The following N4BP2 variants were observed in gnomAD, a reference collection of about 807,000 sequenced individuals.
The protein encoded by N4BP2 is NEDD4 binding protein 2.
In N4BP2, 91 loss-of-function variants were observed where a neutral mutation model predicts 152.8. That is an observed-to-expected ratio of 0.60 (90% CI 0.50 to 0.71). The LOEUF (loss-of-function observed/expected upper bound fraction) is 0.71, where lower values mean the gene tolerates loss of function less well. Among genes scored for constraint, N4BP2 ranks in the 30% least tolerant of loss-of-function variants. The probability of loss-of-function intolerance (pLI) is 0.00; values close to 1 mark genes in which losing one functional copy is unlikely to be tolerated. For missense variants in N4BP2, 1,923 were observed against 2,059.1 expected, an observed-to-expected ratio of 0.93 and a Z score of 1.28; for synonymous variants, 646 against 705.3, an observed-to-expected ratio of 0.92 and a Z score of 1.33.
chr4:40,151,658 T>A (rs1347856805), intron 16 of N4BP2, among the ~76,000 whole-genome samples: 1 of 152,156 alleles, frequency 6.6e-6, no homozygotes. Flanking sequence ...TTGTAAAAAG[T>A]TCGTAAAAAG....
rs753692443 is a variant in N4BP2, at chr4:40,102,492, C to A, written c.647C>A (p.Pro216His). ...SGSTLSLNPL[P>H]SHSVLNESKC... ...TCTACTTTAAGTTTAAACCCATTAC[C>A]TTCACATTCAGTTTTGAACGAGTCC... is the stretch of plus-strand genomic sequence containing the variant. The change falls in exon 4 of 18, where the codon CCT (proline) becomes CAT (histidine). Residue 216 changes from proline to histidine, a missense_variant. Coordinates refer to ENST00000261435, the MANE Select transcript of N4BP2 (RefSeq NM_018177.6). 54 of 1,614,086 alleles carry A rather than the reference C, an allele frequency of 3.3e-5. No individual in the cohort carries two copies. The Admixed American group carries it at 3.5e-4, about 10-fold the overall frequency.
At chr4:40,161,351 A>G (rs6531759), downstream of N4BP2, among the ~76,000 whole-genome samples, 46,558 of 152,172 alleles carry the variant, frequency 0.31, 7,272 homozygotes, top group South Asian at 0.47. Context: ...TTACCAGGAT[A>G]GACTGGGAAA....
At chr4:40,176,912 C>G in the N4BP2 span, among the ~76,000 whole-genome samples, 1 of 152,184 alleles carries the variant, frequency 6.6e-6, no homozygotes, top group Non-Finnish European at 1.5e-5. Context: ...TCGGGGGATC[C>G]CTGTTTTCCC....
At chr4:40,134,985 ATGTGCACAATG>A (rs892545322) in intron 13 of N4BP2, among the ~76,000 whole-genome samples, 1 of 90,912 alleles carries the variant, frequency 1.1e-5, no homozygotes, top group Non-Finnish European at 2.3e-5. Context: ...TTTAGGGTAC[ATGTGCACAATG>A]TGCAGGTTAG....
downstream of N4BP2, among the ~76,000 whole-genome samples, chr4:40,160,672 T>A (rs1721834328): frequency 1.3e-5 from 2 of 152,318 alleles, no homozygotes; most frequent in South Asian, 4.1e-4. Context: ...ATTTCTTAGT[T>A]AGAAAACTCA....
chr4:40,125,715 C>T (rs75295919), intron 11 of N4BP2, among the ~76,000 whole-genome samples: 9,778 of 152,022 alleles, frequency 0.064, 396 homozygotes, highest in Non-Finnish European at 0.085. Flanking sequence ...GTGAAACCCC[C>T]GTCTCTACTA....
rs1410555464 is a variant in N4BP2 at position 40,120,639 on chromosome 4, C to G, written c.2528C>G (p.Ser843Cys). 9.9e-6 allele frequency: 16 copies of G among 1,614,162 alleles called. No individual in the cohort carries two copies. Among genetic ancestry groups the G allele is most frequent in the Non-Finnish European group, 1.2e-5 (14 of 1,180,006 alleles). Residue 843 changes from serine to cysteine, a missense_variant, in exon 9 of 18, where the codon TCT (serine) becomes TGT (cysteine). Ser to Cys is a moderately radical substitution (Grantham distance 112). Transcript: ENST00000261435. Reference protein sequence around the residue: ...VNTDCVQQRGSPHESVEDGRK... With the variant: ...VNTDCVQQRGCPHESVEDGRK... ...ACAGATTGTGTCCAGCAACGAGGATCTCCACATGAAAGTGTAGAGGATGGC... is the reference window on the plus strand; with the variant it reads ...ACAGATTGTGTCCAGCAACGAGGATGTCCACATGAAAGTGTAGAGGATGGC...
At chr4:40,065,652 A>G (rs73808621) in intron 1 of N4BP2, among the ~76,000 whole-genome samples, 1 of 152,294 alleles carries the variant, frequency 6.6e-6, no homozygotes, top group African/African-American at 2.4e-5. Flanking sequence ...AGAAACTGAA[A>G]CCGTATAGGA....
chr4:40,184,808 T>C, the N4BP2 span, among the ~76,000 whole-genome samples: 4 of 151,922 alleles, frequency 2.6e-5, no homozygotes, highest in African/African-American at 7.3e-5. Flanking sequence ...ACACAAAAAT[T>C]ATCTGGGCGT....
intron 16 of N4BP2, among the ~76,000 whole-genome samples, chr4:40,146,282 T>C (rs1331463151): frequency 6.6e-6 from 1 of 152,168 alleles, no homozygotes; most frequent in Non-Finnish European, 1.5e-5. Flanking sequence ...AGTCTCACCC[T>C]GTGTTTTTTT....
At chr4:40,142,569 A>T in intron 14 of N4BP2, 104 bp from the exon 15 acceptor site, 1 of 719,204 alleles carries the variant, frequency 1.4e-6, no homozygotes, top group Admixed American at 2.8e-5. Flanking sequence ...AGAGAGATGA[A>T]AATATACGAC....
At chr4:40,148,026 C>T (rs1720762772) in intron 16 of N4BP2, among the ~76,000 whole-genome samples, 1 of 151,888 alleles carries the variant, frequency 6.6e-6, no homozygotes, top group African/African-American at 2.4e-5. Flanking sequence ...GGCAGAGGGG[C>T]TCCTCACATC....
chr4:40,107,708 T>A (rs1382596939), intron 5 of N4BP2, among the ~76,000 whole-genome samples: 6 of 152,156 alleles, frequency 3.9e-5, no homozygotes, highest in Non-Finnish European at 8.8e-5. Context: ...ATATATAAAA[T>A]TTTAACTGTC....
chr4:40,126,938 T>C (rs1718461880), intron 12 of N4BP2, among the ~76,000 whole-genome samples: 1 of 150,976 alleles, frequency 6.6e-6, no homozygotes, highest in Non-Finnish European at 1.5e-5. Context: ...TTAGTAATTT[T>C]AGTAGAGACA....
At chr4:40,180,437 G>A in the N4BP2 span, among the ~76,000 whole-genome samples, 32 of 151,972 alleles carry the variant, frequency 2.1e-4, no homozygotes, top group South Asian at 6.1e-3. Context: ...CAGGCAGATA[G>A]TTAGTCACTC....
chr4:40,069,332 G>A (rs1323558282), intron 1 of N4BP2, among the ~76,000 whole-genome samples: 1 of 151,678 alleles, frequency 6.6e-6, no homozygotes, highest in Admixed American at 6.6e-5. Flanking sequence ...CCAGCTACTC[G>A]GAGGCTGAGG....
At chr4:40,068,397 G>A (rs1014972559) in intron 1 of N4BP2, among the ~76,000 whole-genome samples, 1 of 152,110 alleles carries the variant, frequency 6.6e-6, no homozygotes, top group African/African-American at 2.4e-5. Context: ...TGCCAAATCC[G>A]ATGTCATGAA....
intron 16 of N4BP2, among the ~76,000 whole-genome samples, chr4:40,151,471 C>T (rs767688361): frequency 9.9e-5 from 15 of 151,824 alleles, no homozygotes; most frequent in African/African-American, 2.9e-4. Flanking sequence ...GGGGTTTTGC[C>T]GTGTTGCCCA....
chr4:40,166,707 CAAA>C, the N4BP2 span: 4 of 151,052 alleles, frequency 2.6e-5, no homozygotes, highest in African/African-American at 9.8e-5. Flanking sequence ...AACAAACAAA[CAAA>C]AAGATAATTA....
Sources: gnomAD v4.1 joint callset for allele counts (sites outside exome capture counted in the v4.1 genomes callset) on GRCh38, gnomAD v4.1.1 for gene constraint, MANE v1.5 for transcripts, NCBI Gene and HGNC (gene_info 2026-07-23, HGNC 2026-07-21) for gene names.